Variants in ATAD1 observed in about 807,000 individuals in gnomAD.
The protein encoded by ATAD1 is outer mitochondrial transmembrane helix translocase.
A neutral mutation model predicts 42.7 loss-of-function variants in ATAD1; 18 were observed. That is an observed-to-expected ratio of 0.42 (90% CI 0.29 to 0.63). The LOEUF (loss-of-function observed/expected upper bound fraction) is 0.63. Among genes scored for constraint, ATAD1 ranks in the 20% least tolerant of loss-of-function variants. ATAD1 has a pLI of 0.19. For synonymous variants in ATAD1, 132 were observed against 143.1 expected (o/e 0.92, Z 0.55); for missense variants, 294 against 440.4 (o/e 0.67, Z 2.98).
intron 4 of ATAD1, among the ~76,000 whole-genome samples, chr10:87,787,443 C>T (rs1050363814): frequency 6.6e-6 from 1 of 152,046 alleles, no homozygotes; most frequent in African/African-American, 2.4e-5. Flanking sequence ...CAAAGTGAGA[C>T]CCTGTCTCTA....
At chr10:87,829,978 C>CA (rs1810388330) in intron 1 of ATAD1, among the ~76,000 whole-genome samples, 1 of 152,156 alleles carries the variant, frequency 6.6e-6, no homozygotes. Context: ...TATCAAACAG[C>CA]ATCACATACT....
chr10:87,818,004 T>G (rs904347248), intron 1 of ATAD1, 163 bp downstream of exon 1: 2 of 985,500 alleles, frequency 2.0e-6, no homozygotes, highest in African/African-American at 1.7e-5. Context: ...ATCCTCTAGA[T>G]ACTAAGGGCT....
intron 2 of ATAD1, among the ~76,000 whole-genome samples, chr10:87,793,149 AAATGT>A (rs1856210017): frequency 6.6e-6 from 1 of 152,166 alleles, no homozygotes; most frequent in East Asian, 1.9e-4. Flanking sequence ...GGAGGGCAAG[AAATGT>A]ATAAGTGAAG....
chr10:87,797,626 G>A (rs1189054730), intron 2 of ATAD1, among the ~76,000 whole-genome samples: 3 of 152,172 alleles, frequency 2.0e-5, no homozygotes, highest in Non-Finnish European at 4.4e-5. Context: ...GACCTGACTT[G>A]TTTGGCTTGG....
At chr10:87,821,222 G>A (rs1409217015), upstream of ATAD1, among the ~76,000 whole-genome samples, 1 of 152,026 alleles carries the variant, frequency 6.6e-6, no homozygotes, top group Non-Finnish European at 1.5e-5. Flanking sequence ...TGGGAAGAAA[G>A]GATTCCTTAA....
At chr10:87,772,663 AAT>A (rs1327371060) in intron 6 of ATAD1, among the ~76,000 whole-genome samples, 2 of 152,284 alleles carry the variant, frequency 1.3e-5, no homozygotes, top group African/African-American at 4.8e-5. Flanking sequence ...TAGAGGATGG[AAT>A]ACTAAAAAAT....
chr10:87,770,727 G>C (rs1407839059), intron 7 of ATAD1, among the ~76,000 whole-genome samples: 1 of 152,100 alleles, frequency 6.6e-6, no homozygotes, highest in African/African-American at 2.4e-5. Flanking sequence ...AGGCAAACTT[G>C]AGATAACTAT....
intron 6 of ATAD1, among the ~76,000 whole-genome samples, chr10:87,771,316 T>C (rs567851971): frequency 2.1e-4 from 32 of 152,162 alleles, no homozygotes; most frequent in Non-Finnish European, 3.7e-4. Flanking sequence ...AAATAGCCAC[T>C]GAAAAATTAT....
intron 2 of ATAD1, among the ~76,000 whole-genome samples, chr10:87,806,215 G>A (rs1412519226): frequency 6.6e-6 from 1 of 151,956 alleles, no homozygotes; most frequent in African/African-American, 2.4e-5. Context: ...ATGTATTCAT[G>A]TAGAAAAGAC....
intron 6 of ATAD1, among the ~76,000 whole-genome samples, chr10:87,775,082 T>TATA (rs1474509365): frequency 6.6e-6 from 1 of 152,150 alleles, no homozygotes; most frequent in Non-Finnish European, 1.5e-5. Flanking sequence ...TAATTCTAAA[T>TATA]ATAATACTTT....
chr10:87,776,403 C>T lies in ATAD1; in HGVS notation c.608G>A (p.Ser203Asn). The T allele has an allele frequency of 6.2e-7, 1 of 1,613,746 alleles. No homozygotes were observed. The highest frequency in any genetic ancestry group is 8.5e-7 in the Non-Finnish European group (1 of 1,179,756). Reference protein sequence around the residue: ...EIDSFLRNRSSSDHEATAMMK... With the variant: ...EIDSFLRNRSNSDHEATAMMK... ...CATGGCTGTAGCTTCATGGTCAGAA[C>T]TTGAACGGTTTCGTAGAAAGGAGTC... Residue 203 changes from serine to asparagine, a missense_variant, in exon 6 of 10, where the codon AGT (serine) becomes AAT (asparagine). Physicochemically the swap from Ser to Asn is conservative, Grantham distance 46 (BLOSUM62 1). This residue lies in a region of ATAD1 where 31 missense variants were observed against 78.6 expected (regional missense o/e 0.39). Coordinates refer to ENST00000680024, the MANE Select transcript of ATAD1 (RefSeq NM_001321967.2).
intron 1 of ATAD1, among the ~76,000 whole-genome samples, chr10:87,836,321 A>G (rs920720871): frequency 6.6e-6 from 1 of 152,090 alleles, no homozygotes; most frequent in Non-Finnish European, 1.5e-5. Flanking sequence ...TTATGATGTC[A>G]TTTCCGTCTG....
intron 1 of ATAD1, among the ~76,000 whole-genome samples, chr10:87,823,983 A>G (rs189150899): frequency 1.1e-4 from 16 of 152,356 alleles, no homozygotes; most frequent in Admixed American, 8.5e-4. Context: ...TCTTCTAAGC[A>G]CAAGTACACT....
At chr10:87,775,406 G>T in intron 6 of ATAD1, among the ~76,000 whole-genome samples, 1 of 107,788 alleles carries the variant, frequency 9.3e-6, no homozygotes, top group African/African-American at 3.7e-5. Flanking sequence ...GGGCGACAGA[G>T]CAAGACTCCA....
chr10:87,772,887 A>C (rs1855115566), intron 6 of ATAD1, among the ~76,000 whole-genome samples: 1 of 152,202 alleles, frequency 6.6e-6, no homozygotes, highest in South Asian at 2.1e-4. Flanking sequence ...ACAGGAAGTG[A>C]CAGTAATTTT....
chr10:87,838,763 T>C (rs1335141236), intron 1 of ATAD1, among the ~76,000 whole-genome samples: 1 of 152,026 alleles, frequency 6.6e-6, no homozygotes, highest in African/African-American at 2.4e-5. Flanking sequence ...TCTCTCTCCT[T>C]TTTGTGAGGA....
At position 87,806,815 on chromosome 10, in the gene ATAD1, G is replaced by A. The variant is rs554960730; in HGVS notation, c.162+7623C>T. 9.4e-4 allele frequency among the ~76,000 whole-genome samples: 143 copies of A among 152,126 alleles called. 1 individual carries two copies. The South Asian group carries it at 0.026, about 28-fold the overall frequency. On this transcript the variant is annotated intron_variant, in intron 2 of 9. Coordinates refer to ENST00000680024, the MANE Select transcript of ATAD1 (RefSeq NM_001321967.2). Reference sequence around the variant, plus strand: ...TGCCTAAAAACAATAAATTCACAAAGGTCTCCCTCCTCTTCTCTTTACGAG... The same window carrying A: ...TGCCTAAAAACAATAAATTCACAAAAGTCTCCCTCCTCTTCTCTTTACGAG...
chr10:87,795,081 A>G (rs953311191), intron 2 of ATAD1, among the ~76,000 whole-genome samples: 3 of 152,194 alleles, frequency 2.0e-5, no homozygotes, highest in African/African-American at 7.2e-5. Flanking sequence ...TATTATTTAG[A>G]TGAGGAATTT....
chr10:87,817,389 A>C (rs1290666527), intron 1 of ATAD1, among the ~76,000 whole-genome samples: 1 of 152,250 alleles, frequency 6.6e-6, no homozygotes, highest in East Asian at 1.9e-4. Flanking sequence ...TATGCAACTA[A>C]GAAACATCCT....
Sources: gnomAD v4.1 joint callset for allele counts (sites outside exome capture counted in the v4.1 genomes callset) on GRCh38, gnomAD v4.1.1 for gene constraint, gnomAD v4.1.1 regional missense constraint, MANE v1.5 for transcripts, NCBI Gene and HGNC (gene_info 2026-07-23, HGNC 2026-07-21) for gene names.